The following FRMD3 variants were observed in gnomAD, a reference collection of about 807,000 sequenced individuals.
FRMD3 encodes FERM domain containing 3.
Under a neutral mutation model 70.2 loss-of-function variants are expected in FRMD3, and 33 were observed. That is an observed-to-expected ratio of 0.47 (90% CI 0.36 to 0.63). The LOEUF (loss-of-function observed/expected upper bound fraction) is 0.63, where lower values mean the gene tolerates loss of function less well. Among genes scored for constraint, FRMD3 ranks in the 20% least tolerant of loss-of-function variants. The pLI is 0.00. For synonymous variants in FRMD3, 279 were observed against 255.9 expected (o/e 1.09, Z -0.86); for missense variants, 632 against 711.4 (o/e 0.89, Z 1.27).
At chr9:83,324,977 C>T (rs368355600) in intron 6 of FRMD3, among the ~76,000 whole-genome samples, 2 of 152,166 alleles carry the variant, frequency 1.3e-5, no homozygotes, top group Non-Finnish European at 2.9e-5. Flanking sequence ...CATGGCACAG[C>T]ATTTCAAAAT....
rs184389778 is a variant in FRMD3, at chr9:83,504,580, C to A, written c.147+33505G>T. ...TTCTCTTTCTGAAATGTTCTTCTCCCAGGTATTCATTTGACTTCCCCCCCC... is the reference window on the plus strand; with the variant it reads ...TTCTCTTTCTGAAATGTTCTTCTCCAAGGTATTCATTTGACTTCCCCCCCC... On this transcript the variant is annotated intron_variant, in intron 1 of 13. Transcript: ENST00000304195. Among the ~76,000 whole-genome samples the A allele has an allele frequency of 5.7e-5, 7 of 123,852 alleles. No homozygotes were observed. The East Asian group carries it at 1.0e-3, about 18-fold the overall frequency. The allele number at this position is 123,852 out of a possible 152,430, so 81.3% of individuals were successfully genotyped here.
At chr9:83,322,283 T>C (rs1422806296) in intron 6 of FRMD3, among the ~76,000 whole-genome samples, 1 of 151,944 alleles carries the variant, frequency 6.6e-6, no homozygotes, top group East Asian at 1.9e-4. Context: ...ACCCAAACAG[T>C]CCAAGGTCAA....
chr9:83,528,540 T>A (rs377121855), intron 1 of FRMD3, among the ~76,000 whole-genome samples: 1 of 150,568 alleles, frequency 6.6e-6, no homozygotes, highest in East Asian at 1.9e-4. Context: ...AACCAGCAAT[T>A]TTTTTTTTTG....
chr9:83,540,363 C>A (rs1057441686), upstream of FRMD3, among the ~76,000 whole-genome samples: 2 of 152,122 alleles, frequency 1.3e-5, no homozygotes, highest in African/African-American at 4.8e-5. Flanking sequence ...AAAATTGTTA[C>A]CCCAAATTCC....
At chr9:83,318,849 T>G (rs1042304309) in intron 6 of FRMD3, among the ~76,000 whole-genome samples, 1 of 152,230 alleles carries the variant, frequency 6.6e-6, no homozygotes, top group African/African-American at 2.4e-5. Flanking sequence ...TTCTGACTGG[T>G]GTAAGATGGT....
intron 7 of FRMD3, 111 bp downstream of exon 7, chr9:83,313,549 G>A (rs1835445303): frequency 1.2e-6 from 1 of 831,586 alleles, no homozygotes; most frequent in Non-Finnish European, 2.0e-6. Context: ...GAGGGACCGT[G>A]GGCCAAGCTG....
At chr9:83,295,756 C>T (rs990101813) in intron 12 of FRMD3, among the ~76,000 whole-genome samples, 1 of 152,200 alleles carries the variant, frequency 6.6e-6, no homozygotes, top group African/African-American at 2.4e-5. Context: ...AGGTGGCTCA[C>T]ACAACCAGCC....
At chr9:83,402,703 C>T (rs1825982309) in intron 1 of FRMD3, among the ~76,000 whole-genome samples, 1 of 152,024 alleles carries the variant, frequency 6.6e-6, no homozygotes, top group South Asian at 2.1e-4. Flanking sequence ...GGCTCAGACA[C>T]ATTTTTAAAG....
At chr9:83,570,224 C>T in the FRMD3 span, among the ~76,000 whole-genome samples, 1,157 of 152,232 alleles carry the variant, frequency 7.6e-3, 14 homozygotes, top group African/African-American at 0.026. Flanking sequence ...GATTACCTTG[C>T]TGTGGGAAGA....
At position 83,264,884 on chromosome 9, in the gene FRMD3, TA is replaced by T. The variant is rs541835948; in HGVS notation, c.1196-16369del. Among the ~76,000 whole-genome samples the T allele has an allele frequency of 7.2e-3, 1,057 of 146,310 alleles. 16 individuals are homozygous for T. Among genetic ancestry groups the T allele is most frequent in the African/African-American group, 0.024 (981 of 40,476 alleles). ...TTCCTAAGAAGATAAAGGGTTAAACTAAAAAAAAAATTAGATACCACGTGAA... is the reference window on the plus strand; with the variant it reads ...TTCCTAAGAAGATAAAGGGTTAAACTAAAAAAAAATTAGATACCACGTGAA... On this transcript the variant is annotated intron_variant, in intron 13 of 13. Coordinates refer to ENST00000304195, the MANE Select transcript of FRMD3 (RefSeq NM_174938.6).
intron 1 of FRMD3, among the ~76,000 whole-genome samples, chr9:83,510,346 G>A (rs1829310491): frequency 6.6e-6 from 1 of 152,226 alleles, no homozygotes. Flanking sequence ...CCACTAGGAT[G>A]ACTACACTCA....
chr9:83,551,088 A>G, the FRMD3 span, among the ~76,000 whole-genome samples: 1 of 152,270 alleles, frequency 6.6e-6, no homozygotes, highest in African/African-American at 2.4e-5. Context: ...GCTTTTGCCC[A>G]TTCCATATAA....
chr9:83,356,271 A>AT (rs869149609), intron 3 of FRMD3, among the ~76,000 whole-genome samples: 7,853 of 94,374 alleles, frequency 0.083, 742 homozygotes, highest in East Asian at 0.36. Flanking sequence ...ACTCAGCAGC[A>AT]TTTTTTTTTT....
intron 1 of FRMD3, among the ~76,000 whole-genome samples, chr9:83,487,741 A>G (rs1414829297): frequency 6.6e-6 from 1 of 152,200 alleles, no homozygotes; most frequent in Non-Finnish European, 1.5e-5. Context: ...AGAGGAGAGA[A>G]CAATGAAGAG....
At chr9:83,522,937 C>CG (rs1829608384) in intron 1 of FRMD3, among the ~76,000 whole-genome samples, 1 of 152,000 alleles carries the variant, frequency 6.6e-6, no homozygotes, top group Non-Finnish European at 1.5e-5. Flanking sequence ...TTCCCCCAAG[C>CG]CACACTCTGG....
At chr9:83,439,373 C>G (rs1204379619) in intron 1 of FRMD3, among the ~76,000 whole-genome samples, 1 of 152,218 alleles carries the variant, frequency 6.6e-6, no homozygotes, top group Non-Finnish European at 1.5e-5. Context: ...TCAGTTACCA[C>G]ATGGAACATT....
intron 12 of FRMD3, among the ~76,000 whole-genome samples, chr9:83,296,890 C>T (rs1467724550): frequency 2.0e-5 from 3 of 152,164 alleles, no homozygotes; most frequent in Admixed American, 1.3e-4. Context: ...GGACCAGCCG[C>T]GTGACCATCA....
rs570340813 is a variant in FRMD3, at chr9:83,343,681, G to A, written c.375-394C>T. ...GCCCAAGCTCTGTTTCAAACGGAGA[G>A]CCAGGAAACGGACTCAATCCATACA... On this transcript the variant is annotated intron_variant, in intron 4 of 13. Transcript: ENST00000304195. Among the ~76,000 whole-genome samples the A allele has an allele frequency of 5.9e-5, 9 of 152,316 alleles. No homozygotes were observed. In the South Asian group the frequency reaches 1.0e-3, roughly 18 times the overall value.
At chr9:83,383,995 T>G (rs539491697) in intron 2 of FRMD3, among the ~76,000 whole-genome samples, 1 of 152,312 alleles carries the variant, frequency 6.6e-6, no homozygotes, top group Admixed American at 6.5e-5. Context: ...AATGCATCAG[T>G]GTTCATACCT....
Sources: gnomAD v4.1 joint callset for allele counts (sites outside exome capture counted in the v4.1 genomes callset) on GRCh38, gnomAD v4.1.1 for gene constraint, MANE v1.5 for transcripts, NCBI Gene and HGNC (gene_info 2026-07-23, HGNC 2026-07-21) for gene names.